GPM6B: variants seen among roughly 807,000 people sequenced by gnomAD.
GPM6B encodes glycoprotein M6B, also known as neuronal membrane glycoprotein M6-b.
Under a neutral mutation model 27.2 loss-of-function variants are expected in GPM6B, and 4 were observed. The ratio of observed to expected loss-of-function variants is 0.15; its 90% confidence interval spans 0.07 to 0.34. The LOEUF (loss-of-function observed/expected upper bound fraction) is 0.34. Ranked by LOEUF, GPM6B falls within the 10% of genes least tolerant of loss-of-function variation. The pLI, the probability that GPM6B is intolerant of heterozygous loss-of-function variation, is 1.00. For synonymous variants in GPM6B, 124 were observed against 103.1 expected, an observed-to-expected ratio of 1.20 and a Z score of -1.23; for missense variants, 183 against 261.9, an observed-to-expected ratio of 0.70 and a Z score of 2.08.
intron 1 of GPM6B, among the ~76,000 whole-genome samples, chrX:13,886,756 G>A (rs1426549477): frequency 5.5e-5 from 3 of 54,868 alleles, no homozygotes; most frequent in Middle Eastern, 0.011. Flanking sequence ...AGAAACTCTT[G>A]TTCTCAGTGT....
chrX:13,836,942 A>C (rs991314382), intron 1 of GPM6B, among the ~76,000 whole-genome samples: 1 of 112,588 alleles, frequency 8.9e-6, no homozygotes. Flanking sequence ...AAAAAAAATC[A>C]ACCACTCAGA....
intron 1 of GPM6B, among the ~76,000 whole-genome samples, chrX:13,872,525 C>T (rs779489537): frequency 9.0e-6 from 1 of 110,700 alleles, no homozygotes; most frequent in African/African-American, 3.3e-5. Context: ...TCCAAGACAA[C>T]AAGCATACAC....
At chrX:13,854,227 G>A (rs1468503569) in intron 1 of GPM6B, among the ~76,000 whole-genome samples, 1 of 111,359 alleles carries the variant, frequency 9.0e-6, no homozygotes, top group Non-Finnish European at 1.9e-5. Context: ...AAGTGTGCCT[G>A]GCATGACAAC....
intron 7 of GPM6B, among the ~76,000 whole-genome samples, chrX:13,775,541 A>T (rs951949973): frequency 8.0e-5 from 9 of 112,866 alleles, no homozygotes; most frequent in South Asian, 3.6e-4. Flanking sequence ...CCTAAGTGCA[A>T]GAAGGTTGCA....
intron 1 of GPM6B, among the ~76,000 whole-genome samples, chrX:13,876,520 G>T (rs554491364): frequency 8.9e-5 from 10 of 112,164 alleles, no homozygotes; most frequent in South Asian, 3.8e-4. Flanking sequence ...TGCTGCAGTA[G>T]ATAATGTCAC....
intron 1 of GPM6B, among the ~76,000 whole-genome samples, chrX:13,814,958 C>CA (rs2147195157): frequency 8.9e-6 from 1 of 112,325 alleles, no homozygotes; most frequent in Non-Finnish European, 1.9e-5. Context: ...AAAGTTCCTT[C>CA]ACAAATTATC....
At chrX:13,805,451 C>T (rs1466620703) in intron 2 of GPM6B, among the ~76,000 whole-genome samples, 2 of 112,307 alleles carry the variant, frequency 1.8e-5, no homozygotes, top group Admixed American at 9.4e-5. Context: ...TGCAGAGACA[C>T]TCAGTGGTGG....
rs937779950 is a variant in GPM6B at position 13,923,036 on chromosome X, T to C, written c.-198+15291A>G. 2.7e-5 allele frequency among the ~76,000 whole-genome samples: 3 copies of C among 111,483 alleles called. No individual in the cohort carries two copies. The South Asian group carries it at 1.1e-3, about 43-fold the overall frequency. ...CTAAAAATACAAGAAATTAGCCTGG[T>C]GTGGTGGTACGCACCTGTAATCTTA... On this transcript the variant is annotated intron_variant, in intron 1 of 6. Transcript: ENST00000398361.
At position 13,773,953 on chromosome X, in the gene GPM6B, CTTTTTTTTTT is replaced by C. The variant is rs772367299; in HGVS notation, c.838-933_838-924del. 108 of 436,308 alleles carry C rather than the reference CTTTTTTTTTT, an allele frequency of 2.5e-4. 1 individual carries two copies. In the African/African-American group the frequency reaches 3.5e-3, roughly 14 times the overall value. 36.0% of individuals were successfully genotyped at this position (436,308 alleles called of 1,213,427 possible). On this transcript the variant is annotated intron_variant, in intron 7 of 7. Transcript: ENST00000316715. ...AAAAAAAACTACCCACATATAAATC[CTTTTTTTTTT>C]TTTTTTTTTTTTTTTTCCAGAGAAC...
intron 1 of GPM6B, among the ~76,000 whole-genome samples, chrX:13,851,637 G>A (rs5979986): frequency 0.23 from 23,504 of 101,159 alleles, 1,976 homozygotes; most frequent in East Asian, 0.29. Flanking sequence ...GGCATGCAAT[G>A]AAAAAAAAAA....
chrX:13,879,197 A>C (rs752566637), intron 1 of GPM6B, among the ~76,000 whole-genome samples: 1 of 112,004 alleles, frequency 8.9e-6, no homozygotes, highest in South Asian at 3.7e-4. Context: ...CCCTCCCCCA[A>C]CAAGTAGATA....
chrX:13,896,977 C>T (rs2050239399), intron 1 of GPM6B, among the ~76,000 whole-genome samples: 1 of 112,331 alleles, frequency 8.9e-6, no homozygotes, highest in African/African-American at 3.2e-5. Flanking sequence ...TGGTTCAGTT[C>T]ATTAACTTGA....
intron 1 of GPM6B, among the ~76,000 whole-genome samples, chrX:13,831,489 G>A (rs191525281): frequency 3.9e-4 from 43 of 110,833 alleles, no homozygotes; most frequent in African/African-American, 1.0e-3. Flanking sequence ...AAGGAAAAAA[G>A]AACATCAGGT....
rs144039533 is a variant in GPM6B, at chrX:13,922,192, C to T, written c.-198+16135G>A. ...TGTTTCTTAACCTCAGCACTCTTGA[C>T]ATTTGGGGCCTGATAACTCTTTGTT... On this transcript the variant is annotated intron_variant, in intron 1 of 6. Transcript: ENST00000398361. Among the ~76,000 whole-genome samples the T allele has an allele frequency of 6.8e-3, 756 of 111,334 alleles. 6 individuals are homozygous for T. Among genetic ancestry groups the T allele is most frequent in the African/African-American group, 0.023 (698 of 30,629 alleles).
chrX:13,777,011 C>G (rs972804444), intron 6 of GPM6B, among the ~76,000 whole-genome samples: 1 of 94,359 alleles, frequency 1.1e-5, no homozygotes, highest in African/African-American at 4.2e-5. Flanking sequence ...CTTTGAAAAT[C>G]TTTCAAAGTA....
intron 1 of GPM6B, among the ~76,000 whole-genome samples, chrX:13,898,332 G>A (rs923436992): frequency 8.9e-6 from 1 of 112,159 alleles, no homozygotes; most frequent in Non-Finnish European, 1.9e-5. Context: ...GGAACAAATC[G>A]CTTCTGAGTG....
chrX:13,870,435 G>A (rs961503597), intron 1 of GPM6B, among the ~76,000 whole-genome samples: 1 of 112,368 alleles, frequency 8.9e-6, no homozygotes, highest in African/African-American at 3.2e-5. Context: ...TAGGTCTGAG[G>A]GAGGAATTCC....
At chrX:13,903,902 C>G (rs1221315286) in intron 1 of GPM6B, among the ~76,000 whole-genome samples, 2 of 110,665 alleles carry the variant, frequency 1.8e-5, no homozygotes, top group African/African-American at 6.6e-5. Context: ...GGGGCATCTC[C>G]GTAGAGCTAG....
At chrX:13,836,842 C>T (rs2049500363) in intron 1 of GPM6B, among the ~76,000 whole-genome samples, 1 of 112,599 alleles carries the variant, frequency 8.9e-6, no homozygotes, top group African/African-American at 3.2e-5. Context: ...TTTGCTAATG[C>T]ATGCATTATT....
Sources: gnomAD v4.1 joint callset for allele counts (sites outside exome capture counted in the v4.1 genomes callset) on GRCh38, gnomAD v4.1.1 for gene constraint, MANE v1.5 for transcripts, NCBI Gene and HGNC (gene_info 2026-07-23, HGNC 2026-07-21) for gene names.